Variants in DSCAML1 observed in about 807,000 individuals in gnomAD.
The protein encoded by DSCAML1 is cell adhesion molecule DSCAML1.
Under a neutral mutation model 200.5 loss-of-function variants are expected in DSCAML1, and 38 were observed. The observed-to-expected ratio is 0.19, with a 90% CI of 0.15 to 0.25. The LOEUF (loss-of-function observed/expected upper bound fraction) is 0.25. DSCAML1 is among the 10% of genes least tolerant of loss of function. The pLI is 1.00. For missense variants in DSCAML1, 2,223 were observed against 2,858.8 expected, an observed-to-expected ratio of 0.78 and a Z score of 5.07; for synonymous variants, 1,215 against 1,165.0, an observed-to-expected ratio of 1.04 and a Z score of -0.87.
intron 8 of DSCAML1, among the ~76,000 whole-genome samples, chr11:117,514,532 G>C (rs1307527798): frequency 1.3e-5 from 2 of 148,772 alleles, no homozygotes; most frequent in Non-Finnish European, 3.0e-5. Flanking sequence ...GAAAGATTCT[G>C]ACACCAGATG....
chr11:117,567,583 T>G (rs986225628), intron 3 of DSCAML1, among the ~76,000 whole-genome samples: 8 of 152,218 alleles, frequency 5.3e-5, no homozygotes, highest in African/African-American at 1.9e-4. Flanking sequence ...CTTTAGAGAA[T>G]ACTATAAACA....
intron 4 of DSCAML1, among the ~76,000 whole-genome samples, chr11:117,529,925 T>C (rs2050043031): frequency 6.6e-6 from 1 of 152,094 alleles, no homozygotes; most frequent in African/African-American, 2.4e-5. Flanking sequence ...GACAAGCAGC[T>C]TGCAGATCGC....
chr11:117,635,447 GGTGTGTGTGTGT>G (rs201976004), intron 3 of DSCAML1, among the ~76,000 whole-genome samples: 4 of 146,654 alleles, frequency 2.7e-5, no homozygotes, highest in Non-Finnish European at 4.5e-5. Flanking sequence ...TAGTGTGTGT[GGTGTGTGTGTGT>G]GTGTGTGTGT....
intron 3 of DSCAML1, among the ~76,000 whole-genome samples, chr11:117,706,718 G>A (rs2053764470): frequency 6.6e-6 from 1 of 152,218 alleles, no homozygotes; most frequent in Non-Finnish European, 1.5e-5. Flanking sequence ...TCTTGTGCAA[G>A]TCCTTTAGAT....
chr11:117,644,985 C>G (rs182553392), intron 3 of DSCAML1, among the ~76,000 whole-genome samples: 1 of 152,364 alleles, frequency 6.6e-6, no homozygotes, highest in Non-Finnish European at 1.5e-5. Context: ...GAGTCACAGA[C>G]AGGGCCTGGG....
At chr11:117,600,889 G>A (rs545196065) in intron 3 of DSCAML1, among the ~76,000 whole-genome samples, 8 of 152,288 alleles carry the variant, frequency 5.3e-5, no homozygotes, top group Non-Finnish European at 8.8e-5. Context: ...GAGGGGTAGG[G>A]AGGAAGCATA....
Position 117,431,580 on chromosome 11 carries a change from C to T in DSCAML1, c.5328G>A (p.Thr1776=), listed in dbSNP as rs139555458. 2.4e-5 allele frequency: 38 copies of T among 1,608,954 alleles called. 1 individual carries two copies. The East Asian group carries it at 5.6e-4, about 24-fold the overall frequency. Residue 1776 remains threonine (T), a synonymous_variant, in exon 31 of 33, where the codon ACG becomes ACA. Transcript: ENST00000651296. ...WRTVGSQHGV[T]VTESDSYSAS... ...CACTGTAGCTGTCACTCTCAGTGAC[C>T]GTGACACCATGCTGGGAGCCCACGG...
intron 3 of DSCAML1, among the ~76,000 whole-genome samples, chr11:117,729,323 A>C (rs2054181343): frequency 6.6e-6 from 1 of 152,232 alleles, no homozygotes. Flanking sequence ...AACTGTTAGA[A>C]GAAAACATAG....
intron 3 of DSCAML1, among the ~76,000 whole-genome samples, chr11:117,579,392 T>A (rs1300434793): frequency 1.3e-5 from 2 of 152,222 alleles, no homozygotes; most frequent in African/African-American, 4.8e-5. Flanking sequence ...GTACTCCAGC[T>A]CTCTGCCCAC....
chr11:117,539,406 G>C (rs780437013), intron 3 of DSCAML1, among the ~76,000 whole-genome samples: 1 of 151,876 alleles, frequency 6.6e-6, no homozygotes, highest in East Asian at 1.9e-4. Flanking sequence ...TCAGGAGTTC[G>C]AGACCAGCCT....
intron 19 of DSCAML1, among the ~76,000 whole-genome samples, chr11:117,453,809 T>C (rs975331318): frequency 7.9e-5 from 12 of 150,986 alleles, no homozygotes; most frequent in Non-Finnish European, 1.6e-4. Flanking sequence ...AGTAGTGCGA[T>C]CTTGGCTGAC....
chr11:117,624,688 A>G (rs895196322), intron 3 of DSCAML1, among the ~76,000 whole-genome samples: 1 of 152,010 alleles, frequency 6.6e-6, no homozygotes, highest in African/African-American at 2.4e-5. Flanking sequence ...TCCCTCCTAG[A>G]TGTTATTCTC....
intron 3 of DSCAML1, among the ~76,000 whole-genome samples, chr11:117,756,205 G>T (rs1229781797): frequency 1.3e-5 from 2 of 152,224 alleles, no homozygotes; most frequent in Admixed American, 6.5e-5. Flanking sequence ...GGGACAGGAA[G>T]GAAGGTCACT....
chr11:117,550,328 C>T (rs768109629), intron 3 of DSCAML1, among the ~76,000 whole-genome samples: 1 of 152,194 alleles, frequency 6.6e-6, no homozygotes, highest in Non-Finnish European at 1.5e-5. Context: ...CCTAAAGTCA[C>T]AGAGTTAGAG....
chr11:117,809,217 G>C (rs1030099188), intron 1 of DSCAML1, among the ~76,000 whole-genome samples: 5 of 152,244 alleles, frequency 3.3e-5, no homozygotes, highest in Non-Finnish European at 7.3e-5. Context: ...CTCATTTGGC[G>C]AAGGGGCTCA....
intron 21 of DSCAML1, among the ~76,000 whole-genome samples, chr11:117,441,153 G>A (rs1177468569): frequency 6.6e-6 from 1 of 152,122 alleles, no homozygotes; most frequent in African/African-American, 2.4e-5. Flanking sequence ...AGAGAGCGGG[G>A]AGGGAAGGAT....
intron 3 of DSCAML1, among the ~76,000 whole-genome samples, chr11:117,607,137 T>G (rs967403486): frequency 6.6e-6 from 1 of 152,202 alleles, no homozygotes; most frequent in Non-Finnish European, 1.5e-5. Flanking sequence ...CTGACTCTCT[T>G]CCGGGACCTG....
At chr11:117,612,801 G>C (rs374826055) in intron 3 of DSCAML1, among the ~76,000 whole-genome samples, 1 of 152,212 alleles carries the variant, frequency 6.6e-6, no homozygotes, top group Non-Finnish European at 1.5e-5. Context: ...TGGATCCTGT[G>C]GCTTGGTGGC....
intron 1 of DSCAML1, among the ~76,000 whole-genome samples, chr11:117,811,291 C>T (rs954643885): frequency 4.6e-5 from 7 of 152,122 alleles, no homozygotes; most frequent in South Asian, 2.1e-4. Context: ...GTCAAAAGGC[C>T]ATCTTATTCT....
Sources: gnomAD v4.1 joint callset for allele counts (sites outside exome capture counted in the v4.1 genomes callset) on GRCh38, gnomAD v4.1.1 for gene constraint, MANE v1.5 for transcripts, NCBI Gene and HGNC (gene_info 2026-07-23, HGNC 2026-07-21) for gene names.